CABLES1: variants seen among roughly 807,000 people sequenced by gnomAD.
The protein encoded by CABLES1 is Cdk5 and Abl enzyme substrate 1, also known as CDK5 and ABL1 enzyme substrate 1.
Under a neutral mutation model 57.8 loss-of-function variants are expected in CABLES1, and 36 were observed. That is an observed-to-expected ratio of 0.62 (90% CI 0.48 to 0.82). The LOEUF is 0.82. Among genes scored for constraint, CABLES1 ranks in the 40% least tolerant of loss-of-function variants. CABLES1 has a pLI of 0.00. For missense variants in CABLES1, 767 were observed against 836.6 expected (o/e 0.92, Z 1.03); for synonymous variants, 374 against 363.0 (o/e 1.03, Z -0.35).
intron 1 of CABLES1, among the ~76,000 whole-genome samples, chr18:23,147,828 G>A (rs1028632375): frequency 2.0e-5 from 3 of 152,150 alleles, no homozygotes; most frequent in African/African-American, 7.2e-5. Context: ...CCAGGAAGAC[G>A]CTGCCCTACT....
chr18:23,163,846 G>T (rs1367020975), intron 1 of CABLES1, among the ~76,000 whole-genome samples: 2 of 152,158 alleles, frequency 1.3e-5, no homozygotes, highest in African/African-American at 4.8e-5. Flanking sequence ...AATAGCTTTT[G>T]CTGTGTAAAT....
At chr18:23,180,528 A>G (rs1250900436) in intron 1 of CABLES1, among the ~76,000 whole-genome samples, 1 of 151,980 alleles carries the variant, frequency 6.6e-6, no homozygotes, top group Non-Finnish European at 1.5e-5. Context: ...TTACTTATTT[A>G]TTTGTAGAGA....
intron 4 of CABLES1, among the ~76,000 whole-genome samples, chr18:23,228,152 A>G (rs2047541616): frequency 6.6e-6 from 1 of 152,204 alleles, no homozygotes; most frequent in African/African-American, 2.4e-5. Context: ...ATGCTCCCTG[A>G]GGAAAGGGCC....
intron 1 of CABLES1, among the ~76,000 whole-genome samples, chr18:23,143,318 C>G (rs919344578): frequency 2.0e-5 from 3 of 152,166 alleles, no homozygotes; most frequent in Non-Finnish European, 4.4e-5. Flanking sequence ...ATCCCTGACA[C>G]CTTTATTGCC....
chr18:23,253,276 G>C (rs906019580), intron 8 of CABLES1, among the ~76,000 whole-genome samples: 1 of 152,070 alleles, frequency 6.6e-6, no homozygotes, highest in Non-Finnish European at 1.5e-5. Context: ...TGAGGTCAGG[G>C]GCTTGAGACC....
intron 1 of CABLES1, among the ~76,000 whole-genome samples, chr18:23,168,592 C>T (rs1171722161): frequency 6.6e-6 from 1 of 152,196 alleles, no homozygotes; most frequent in Non-Finnish European, 1.5e-5. Context: ...GTTGTATACT[C>T]TTAAAATGGT....
chr18:23,169,095 C>T (rs9916898), intron 1 of CABLES1, among the ~76,000 whole-genome samples: 2,302 of 152,296 alleles, frequency 0.015, 59 homozygotes, highest in African/African-American at 0.053. Context: ...AGAGTGACCT[C>T]TGGTCATCCT....
At chr18:23,158,947 A>G (rs1021866416) in intron 1 of CABLES1, among the ~76,000 whole-genome samples, 1 of 152,044 alleles carries the variant, frequency 6.6e-6, no homozygotes, top group Non-Finnish European at 1.5e-5. Context: ...AGCAAACGTC[A>G]TGTGCCCCAC....
intron 1 of CABLES1, among the ~76,000 whole-genome samples, chr18:23,164,833 A>G (rs1350940345): frequency 6.6e-6 from 1 of 152,056 alleles, no homozygotes; most frequent in East Asian, 1.9e-4. Context: ...GTGCAGTGGC[A>G]TGATCTTGGC....
In CABLES1 at chr18:23,246,646, C is replaced by T. The variant is rs1354631332; in HGVS notation, c.1447-6314C>T. 2.6e-5 allele frequency among the ~76,000 whole-genome samples: 4 copies of T among 151,680 alleles called. 1 individual carries two copies. On this transcript the variant is annotated intron_variant, in intron 7 of 9. Coordinates refer to ENST00000256925, the MANE Select transcript of CABLES1 (RefSeq NM_001100619.3). Reference sequence around the variant, plus strand: ...GACCTTGTGATCCGCCCACCTTGGCCTCCCAAAGTGCTGGGATTATATGCT... The same window carrying T: ...GACCTTGTGATCCGCCCACCTTGGCTTCCCAAAGTGCTGGGATTATATGCT...
At chr18:23,172,008 C>T (rs2047086064) in intron 1 of CABLES1, among the ~76,000 whole-genome samples, 1 of 152,182 alleles carries the variant, frequency 6.6e-6, no homozygotes, top group Non-Finnish European at 1.5e-5. Flanking sequence ...ACAGCCTCGA[C>T]CTCACGGGCT....
intron 7 of CABLES1, among the ~76,000 whole-genome samples, chr18:23,243,872 CA>C (rs34013091): frequency 0.5 from 54,473 of 109,898 alleles, 13,675 homozygotes; most frequent in African/African-American, 0.74. Flanking sequence ...GACTCCGTTT[CA>C]AAAAAAAAAA....
rs535757228 is a variant in CABLES1, at chr18:23,232,070, A to G, written c.1089-2538A>G. On this transcript the variant is annotated intron_variant, in intron 4 of 9. Transcript: ENST00000256925. The stretch of plus-strand genomic sequence containing the variant: ...CAGCTCAGTAAATAGTTCGTTACAT[A>G]TCAGACGTTGTATAGACAGGATATG... Among the ~76,000 whole-genome samples the G allele has an allele frequency of 7.2e-5, 11 of 152,326 alleles. No individual in the cohort carries two copies. In the South Asian group the frequency reaches 1.9e-3, roughly 26 times the overall value.
intron 4 of CABLES1, chr18:23,226,840 A>G (rs2047531639): frequency 6.6e-6 from 1 of 152,192 alleles, no homozygotes; most frequent in South Asian, 2.1e-4. Context: ...GAACCTAGTA[A>G]ACTTGAGATT....
intron 3 of CABLES1, among the ~76,000 whole-genome samples, chr18:23,207,616 A>G (rs1368015268): frequency 6.6e-6 from 1 of 152,152 alleles, no homozygotes; most frequent in Non-Finnish European, 1.5e-5. Context: ...GGGAGCTCTT[A>G]GCTGGGCCAT....
chr18:23,207,746 G>A (rs911414699), intron 3 of CABLES1, among the ~76,000 whole-genome samples: 2 of 152,106 alleles, frequency 1.3e-5, no homozygotes, highest in African/African-American at 4.8e-5. Flanking sequence ...TCAGAAATTT[G>A]CCACTCCCTA....
intron 8 of CABLES1, 113 bp from the exon 9 acceptor site, chr18:23,253,616 G>T: frequency 1.1e-6 from 1 of 885,510 alleles, no homozygotes; most frequent in Non-Finnish European, 1.8e-6. Flanking sequence ...TCCCAGTCCA[G>T]ATCACCCTCT....
intron 3 of CABLES1, among the ~76,000 whole-genome samples, chr18:23,203,896 G>T (rs1192291466): frequency 6.6e-6 from 1 of 152,126 alleles, no homozygotes; most frequent in African/African-American, 2.4e-5. Context: ...TTGTGAAAAG[G>T]CTAGCACCTG....
intron 4 of CABLES1, among the ~76,000 whole-genome samples, chr18:23,224,105 C>T (rs889040854): frequency 2.7e-5 from 4 of 147,960 alleles, no homozygotes; most frequent in Admixed American, 6.8e-5. Flanking sequence ...TGGAGACTGT[C>T]GGCTTCCACT....
Sources: gnomAD v4.1 joint callset for allele counts (sites outside exome capture counted in the v4.1 genomes callset) on GRCh38, gnomAD v4.1.1 for gene constraint, MANE v1.5 for transcripts, NCBI Gene and HGNC (gene_info 2026-07-23, HGNC 2026-07-21) for gene names.